PLCXD3: variants seen among roughly 807,000 people sequenced by gnomAD.
PLCXD3 encodes phosphatidylinositol specific phospholipase C X domain containing 3, also known as PI-PLC X domain-containing protein 3.
A neutral mutation model predicts 25.5 loss-of-function variants in PLCXD3; 19 were observed. That is an observed-to-expected ratio of 0.75 (90% CI 0.52 to 1.09). The LOEUF (loss-of-function observed/expected upper bound fraction) is 1.09, where lower values mean the gene tolerates loss of function less well. PLCXD3 is among the 50% of genes least tolerant of loss of function. The pLI is 0.00. For missense variants in PLCXD3, 411 were observed against 388.1 expected, an observed-to-expected ratio of 1.06 and a Z score of -0.50; for synonymous variants, 174 against 137.6, an observed-to-expected ratio of 1.26 and a Z score of -1.85.
chr5:41,308,306 G>T lies in PLCXD3; in HGVS notation c.*5311C>A, dbSNP rs1255515987. Reference sequence around the variant, plus strand: ...CTTTTTTTAAAGTGAAAGTATGTCTGATTAAATATATGAGAAATATGCTAA... The same window carrying T: ...CTTTTTTTAAAGTGAAAGTATGTCTTATTAAATATATGAGAAATATGCTAA... On this transcript the variant is annotated 3_prime_UTR_variant, in exon 3 of 3. Transcript: ENST00000377801. 3 of 152,058 alleles carry T rather than the reference G, an allele frequency of 2.0e-5. No individual in the cohort carries two copies. The highest frequency in any genetic ancestry group is 4.4e-5 in the Non-Finnish European group (3 of 68,002). 9.4% of individuals were successfully genotyped at this position (152,058 alleles called of 1,614,324 possible). A position where few individuals can be genotyped will look rare whatever the true frequency, so the allele number is the denominator to read the frequency against.
At chr5:41,501,560 T>C (rs1383410799) in intron 1 of PLCXD3, among the ~76,000 whole-genome samples, 3 of 151,996 alleles carry the variant, frequency 2.0e-5, no homozygotes, top group African/African-American at 2.4e-5. Flanking sequence ...GAAGTTTCTA[T>C]TCAACAGGTA....
At chr5:41,354,836 T>C (rs1424711959) in intron 2 of PLCXD3, among the ~76,000 whole-genome samples, 2 of 152,222 alleles carry the variant, frequency 1.3e-5, no homozygotes, top group African/African-American at 4.8e-5. Context: ...TAATTTGTCT[T>C]CACTCTTCTC....
chr5:41,413,119 G>T (rs1403850049), intron 1 of PLCXD3, among the ~76,000 whole-genome samples: 1 of 152,146 alleles, frequency 6.6e-6, no homozygotes, highest in African/African-American at 2.4e-5. Flanking sequence ...TAACTTGAGA[G>T]TTACCACCAG....
intron 1 of PLCXD3, among the ~76,000 whole-genome samples, chr5:41,459,644 A>T (rs570050456): frequency 4.6e-5 from 7 of 151,922 alleles, no homozygotes; most frequent in African/African-American, 1.7e-4. Context: ...CCAACTAGAT[A>T]GCCAGCATTG....
intron 1 of PLCXD3, among the ~76,000 whole-genome samples, chr5:41,443,376 AG>A (rs1561275185): frequency 6.6e-6 from 1 of 152,108 alleles, no homozygotes; most frequent in African/African-American, 2.4e-5. Context: ...CATACCATCT[AG>A]GTTAGTACAC....
chr5:41,433,529 G>GCCAT (rs2150509431), intron 1 of PLCXD3, among the ~76,000 whole-genome samples: 1 of 152,206 alleles, frequency 6.6e-6, no homozygotes, highest in Non-Finnish European at 1.5e-5. Flanking sequence ...TCCCAAGATG[G>GCCAT]AAGCAGCCAG....
chr5:41,484,448 C>G (rs1264415244), intron 1 of PLCXD3, among the ~76,000 whole-genome samples: 1 of 152,040 alleles, frequency 6.6e-6, no homozygotes, highest in African/African-American at 2.4e-5. Flanking sequence ...TTTTCTTTTT[C>G]CAAATCGTTT....
At chr5:41,504,603 G>A (rs1749017991) in intron 1 of PLCXD3, among the ~76,000 whole-genome samples, 1 of 152,138 alleles carries the variant, frequency 6.6e-6, no homozygotes, top group Non-Finnish European at 1.5e-5. Flanking sequence ...GCTCAATGTT[G>A]GGCCTCTGCA....
intron 1 of PLCXD3, among the ~76,000 whole-genome samples, chr5:41,484,265 A>ACC (rs1580396063): frequency 7.3e-6 from 1 of 136,320 alleles, no homozygotes; most frequent in Non-Finnish European, 1.6e-5. Flanking sequence ...ACACACACAC[A>ACC]CACACACTAA....
chr5:41,469,250 T>C (rs1748096588), intron 1 of PLCXD3, among the ~76,000 whole-genome samples: 1 of 152,228 alleles, frequency 6.6e-6, no homozygotes, highest in South Asian at 2.1e-4. Context: ...TGAATCATTC[T>C]TTTAATGTAT....
At chr5:41,388,550 G>A (rs1745711093) in intron 1 of PLCXD3, among the ~76,000 whole-genome samples, 1 of 152,068 alleles carries the variant, frequency 6.6e-6, no homozygotes, top group South Asian at 2.1e-4. Context: ...ATACTGGCTG[G>A]TTAAGTAGAC....
At chr5:41,425,589 A>C (rs1746936880) in intron 1 of PLCXD3, among the ~76,000 whole-genome samples, 1 of 152,216 alleles carries the variant, frequency 6.6e-6, no homozygotes, top group Non-Finnish European at 1.5e-5. Context: ...AGTATCATAC[A>C]GAGTAGTTTT....
intron 2 of PLCXD3, among the ~76,000 whole-genome samples, chr5:41,339,078 C>G (rs1401305821): frequency 6.6e-6 from 1 of 152,030 alleles, no homozygotes; most frequent in Non-Finnish European, 1.5e-5. Flanking sequence ...AGGTATTAGG[C>G]AGTATTAGAG....
intron 1 of PLCXD3, among the ~76,000 whole-genome samples, chr5:41,421,313 A>G (rs1012700578): frequency 3.3e-5 from 5 of 152,188 alleles, no homozygotes; most frequent in African/African-American, 4.8e-5. Flanking sequence ...GCTCTAATAT[A>G]TAAGTAATTT....
Position 41,313,541 on chromosome 5 carries a change from C to A in PLCXD3, c.*76G>T. 1 of 1,558,610 alleles carries A rather than the reference C, an allele frequency of 6.4e-7. No individual in the cohort carries two copies. Among genetic ancestry groups the A allele is most frequent in the South Asian group, 1.1e-5 (1 of 88,460 alleles). ...CAGAGACTCAGTGGAATAGGAAGAT[C>A]AGAGTGTTTACAGATAGTATGCCCT... is the stretch of plus-strand genomic sequence containing the variant. On this transcript the variant is annotated 3_prime_UTR_variant, in exon 3 of 3. Transcript: ENST00000377801.
At chr5:41,486,522 A>C (rs1748521123) in intron 1 of PLCXD3, among the ~76,000 whole-genome samples, 1 of 152,064 alleles carries the variant, frequency 6.6e-6, no homozygotes, top group South Asian at 2.1e-4. Flanking sequence ...TTTACTCTCC[A>C]TCTTCACAGT....
intron 1 of PLCXD3, among the ~76,000 whole-genome samples, chr5:41,484,319 G>A (rs1748474496): frequency 6.6e-6 from 1 of 151,692 alleles, no homozygotes; most frequent in African/African-American, 2.4e-5. Flanking sequence ...GAACAATTTG[G>A]ACCAAAATAG....
At chr5:41,363,950 T>A (rs537970415) in intron 2 of PLCXD3, among the ~76,000 whole-genome samples, 45 of 152,276 alleles carry the variant, frequency 3.0e-4, no homozygotes, top group African/African-American at 1.0e-3. Flanking sequence ...CCTGGACAGT[T>A]GGTATCATCT....
intron 1 of PLCXD3, among the ~76,000 whole-genome samples, chr5:41,391,563 G>A (rs190663723): frequency 7.2e-5 from 11 of 152,246 alleles, no homozygotes; most frequent in East Asian, 3.9e-4. Flanking sequence ...AGTGATATCC[G>A]GGTACTACAT....
Sources: gnomAD v4.1 joint callset for allele counts (sites outside exome capture counted in the v4.1 genomes callset) on GRCh38, gnomAD v4.1.1 for gene constraint, MANE v1.5 for transcripts, NCBI Gene and HGNC (gene_info 2026-07-23, HGNC 2026-07-21) for gene names.